TMTC2: variants seen among roughly 807,000 people sequenced by gnomAD.
The protein encoded by TMTC2 is protein O-mannosyl-transferase TMTC2.
Under a neutral mutation model 82.4 loss-of-function variants are expected in TMTC2, and 43 were observed. The ratio of observed to expected loss-of-function variants is 0.52; its 90% CI spans 0.41 to 0.67. The LOEUF is 0.67. Ranked by LOEUF, TMTC2 falls within the 30% of genes least tolerant of loss-of-function variation. The pLI, the probability that TMTC2 is intolerant of heterozygous loss-of-function variation, is 0.00. For missense variants in TMTC2, 919 were observed against 1,012.4 expected (o/e 0.91, Z 1.25); for synonymous variants, 408 against 381.9 (o/e 1.07, Z -0.80).
At chr12:83,118,977 T>C (rs1206961789) in intron 11 of TMTC2, among the ~76,000 whole-genome samples, 1 of 152,240 alleles carries the variant, frequency 6.6e-6, no homozygotes, top group Non-Finnish European at 1.5e-5. Flanking sequence ...TGATCTTTTG[T>C]ATTTCTGTAG....
chr12:82,849,446 T>C (rs1219011110), intron 1 of TMTC2, among the ~76,000 whole-genome samples: 1 of 152,124 alleles, frequency 6.6e-6, no homozygotes, highest in South Asian at 2.1e-4. Context: ...AACTTCTGAA[T>C]TGAATTTTCT....
chr12:82,692,092 C>T (rs974215433), intron 1 of TMTC2, among the ~76,000 whole-genome samples: 2 of 152,154 alleles, frequency 1.3e-5, no homozygotes, highest in Non-Finnish European at 2.9e-5. Context: ...ACCGCTTTAC[C>T]TCCATTGAGC....
chr12:82,800,284 C>T (rs1262150292), intron 1 of TMTC2, among the ~76,000 whole-genome samples: 1 of 152,156 alleles, frequency 6.6e-6, no homozygotes, highest in Non-Finnish European at 1.5e-5. Flanking sequence ...AAAGGTCCTG[C>T]TGCCTCTTGC....
At chr12:82,807,505 C>T (rs1198757565) in intron 1 of TMTC2, among the ~76,000 whole-genome samples, 1 of 152,066 alleles carries the variant, frequency 6.6e-6, no homozygotes, top group African/African-American at 2.4e-5. Flanking sequence ...TGTCTTACTG[C>T]ACCAAATATG....
intron 8 of TMTC2, among the ~76,000 whole-genome samples, chr12:82,999,057 A>C: frequency 6.6e-6 from 1 of 152,160 alleles, no homozygotes; most frequent in East Asian, 1.9e-4. Flanking sequence ...TTATCAACTA[A>C]AGTCCATATT....
At chr12:82,863,782 G>T (rs536166733) in intron 2 of TMTC2, among the ~76,000 whole-genome samples, 7 of 152,126 alleles carry the variant, frequency 4.6e-5, no homozygotes, top group Admixed American at 2.0e-4. Flanking sequence ...TATAGTAGGC[G>T]ATGTGGGGAT....
In TMTC2 at chr12:82,814,272, G is replaced by A. The variant is rs185241701; in HGVS notation, c.84-42738G>A. Among the ~76,000 whole-genome samples the A allele has an allele frequency of 6.0e-4, 91 of 152,256 alleles. 2 individuals carry two copies. Among genetic ancestry groups the A allele is most frequent in the Admixed American group, 6.0e-3 (91 of 15,284 alleles). Reference sequence around the variant, plus strand: ...GATGAATGACAAAGACTTCCTGGAGGAAATGGGCTTTGAAGAAGGGGAACT... The same window carrying A: ...GATGAATGACAAAGACTTCCTGGAGAAAATGGGCTTTGAAGAAGGGGAACT... On this transcript the variant is annotated intron_variant, in intron 1 of 11. Coordinates refer to ENST00000321196, the MANE Select transcript of TMTC2 (RefSeq NM_152588.3).
At chr12:82,763,308 AGTG>A (rs1413728918) in intron 1 of TMTC2, among the ~76,000 whole-genome samples, 3 of 152,174 alleles carry the variant, frequency 2.0e-5, no homozygotes, top group African/African-American at 7.2e-5. Context: ...TCCAAGAAAA[AGTG>A]TTACAAAAAA....
chr12:82,801,256 A>G (rs1232627808), intron 1 of TMTC2, among the ~76,000 whole-genome samples: 1 of 152,004 alleles, frequency 6.6e-6, no homozygotes, highest in East Asian at 1.9e-4. Flanking sequence ...GTGTGTCCGG[A>G]GTTTGTTCTT....
intron 2 of TMTC2, among the ~76,000 whole-genome samples, chr12:82,874,795 T>G (rs12809995): frequency 6.6e-6 from 1 of 152,190 alleles, no homozygotes; most frequent in Non-Finnish European, 1.5e-5. Context: ...ATTTTTACAT[T>G]ACCTGTATAA....
intron 1 of TMTC2, among the ~76,000 whole-genome samples, chr12:82,746,807 C>G (rs1565732468): frequency 6.6e-6 from 1 of 152,192 alleles, no homozygotes; most frequent in Non-Finnish European, 1.5e-5. Flanking sequence ...TCTACTCACT[C>G]TGCTATTGCC....
At chr12:82,987,547 C>G (rs1248453848) in intron 8 of TMTC2, among the ~76,000 whole-genome samples, 2 of 150,910 alleles carry the variant, frequency 1.3e-5, no homozygotes, top group African/African-American at 2.4e-5. Context: ...TAACACTAAA[C>G]TGAGCATGAG....
intron 1 of TMTC2, among the ~76,000 whole-genome samples, chr12:82,819,656 C>A (rs1019739557): frequency 9.9e-5 from 15 of 151,900 alleles, no homozygotes; most frequent in Admixed American, 2.6e-4. Flanking sequence ...TGCCTGCCAC[C>A]ACACCCAGCT....
chr12:82,992,409 A>G (rs1056892992), intron 8 of TMTC2, among the ~76,000 whole-genome samples: 1 of 152,182 alleles, frequency 6.6e-6, no homozygotes, highest in Non-Finnish European at 1.5e-5. Context: ...AACAAATGGT[A>G]ATTTTTCCTG....
intron 11 of TMTC2, among the ~76,000 whole-genome samples, chr12:83,076,094 C>T (rs1592731379): frequency 6.6e-6 from 1 of 152,304 alleles, no homozygotes; most frequent in Non-Finnish European, 1.5e-5. Flanking sequence ...AGACTGGGGT[C>T]AGATTGTCGC....
intron 11 of TMTC2, among the ~76,000 whole-genome samples, chr12:83,089,546 A>G (rs1883771636): frequency 6.6e-6 from 1 of 152,206 alleles, no homozygotes; most frequent in Non-Finnish European, 1.5e-5. Context: ...TCACCAGGGT[A>G]CCATAAGTAC....
At chr12:83,045,446 T>A (rs1396977227) in intron 9 of TMTC2, among the ~76,000 whole-genome samples, 3 of 152,162 alleles carry the variant, frequency 2.0e-5, no homozygotes, top group African/African-American at 7.2e-5. Flanking sequence ...TTCGACTCAG[T>A]TATCAAATCA....
chr12:82,687,736 C>T (rs1872393263), intron 1 of TMTC2, 67 bp downstream of exon 1: 16 of 1,484,188 alleles, frequency 1.1e-5, no homozygotes, highest in Non-Finnish European at 1.5e-5. Context: ...CTGAAGCTTC[C>T]CTCTTTAAGG....
At chr12:83,122,692 G>A (rs1884992547) in intron 11 of TMTC2, among the ~76,000 whole-genome samples, 1 of 152,178 alleles carries the variant, frequency 6.6e-6, no homozygotes, top group Non-Finnish European at 1.5e-5. Context: ...GTGTCCTGCG[G>A]GAGCATTCCC....
Sources: gnomAD v4.1 joint callset for allele counts (sites outside exome capture counted in the v4.1 genomes callset) on GRCh38, gnomAD v4.1.1 for gene constraint, MANE v1.5 for transcripts, NCBI Gene and HGNC (gene_info 2026-07-23, HGNC 2026-07-21) for gene names.